Variants in TXLNB observed in about 807,000 individuals in gnomAD.
The protein encoded by TXLNB is taxilin beta, also known as beta-taxilin.
A neutral mutation model predicts 57.4 loss-of-function variants in TXLNB; 37 were observed. The observed-to-expected ratio is 0.64, with a 90% confidence interval of 0.50 to 0.85. The LOEUF (loss-of-function observed/expected upper bound fraction) is 0.85. TXLNB is among the 40% of genes least tolerant of loss of function. The pLI is 0.00. For synonymous variants in TXLNB, 302 were observed against 309.6 expected, an observed-to-expected ratio of 0.98 and a Z score of 0.26; for missense variants, 848 against 825.6, an observed-to-expected ratio of 1.03 and a Z score of -0.33.
At chr6:139,191,430 A>AAT in the TXLNB span, among the ~76,000 whole-genome samples, 1 of 152,238 alleles carries the variant, frequency 6.6e-6, no homozygotes, top group African/African-American at 2.4e-5. Flanking sequence ...AAAAAAAATA[A>AAT]AAATAAAAAA....
intron 2 of TXLNB, among the ~76,000 whole-genome samples, chr6:139,287,676 G>A (rs574788788): frequency 1.3e-5 from 2 of 152,202 alleles, no homozygotes; most frequent in Non-Finnish European, 2.9e-5. Context: ...AGTATTCGTA[G>A]TGAGTGTTTC....
At chr6:139,318,275 A>C in the TXLNB span, among the ~76,000 whole-genome samples, 1 of 150,930 alleles carries the variant, frequency 6.6e-6, no homozygotes, top group African/African-American at 2.4e-5. Context: ...GTCTCAAAAA[A>C]AAAAAAAAAA....
the TXLNB span, among the ~76,000 whole-genome samples, chr6:139,313,586 T>A: frequency 6.6e-6 from 1 of 152,168 alleles, no homozygotes; most frequent in Non-Finnish European, 1.5e-5. Flanking sequence ...TTGTTGAACA[T>A]CTGTGAGAAA....
At chr6:139,221,177 G>A in the TXLNB span, among the ~76,000 whole-genome samples, 1 of 152,220 alleles carries the variant, frequency 6.6e-6, no homozygotes. Flanking sequence ...CTGAGAGGAT[G>A]AGACGCTAAG....
chr6:139,166,579 A>G, the TXLNB span: 1 of 1,614,246 alleles, frequency 6.2e-7, no homozygotes, highest in Non-Finnish European at 8.5e-7. Flanking sequence ...AGAAGGACAC[A>G]GACTGGTATC....
At chr6:139,176,449 A>AGT in the TXLNB span, among the ~76,000 whole-genome samples, 1 of 152,206 alleles carries the variant, frequency 6.6e-6, no homozygotes, top group Non-Finnish European at 1.5e-5. The surrounding 1 kb of genome is among the most constrained non-coding windows in gnomAD (Gnocchi z 4.5). Context: ...GCTAGGCATG[A>AGT]GTGAAGATGC....
At chr6:139,284,111 A>C (rs1294185932) in intron 2 of TXLNB, among the ~76,000 whole-genome samples, 1 of 145,520 alleles carries the variant, frequency 6.9e-6, no homozygotes, top group Non-Finnish European at 1.5e-5. Flanking sequence ...TTGCACTTAC[A>C]CTATATGACA....
At chr6:139,219,958 C>G in the TXLNB span, among the ~76,000 whole-genome samples, 106 of 152,268 alleles carry the variant, frequency 7.0e-4, 1 homozygote, top group Non-Finnish European at 1.0e-3. Context: ...CCGTAATTAC[C>G]CTTCATTTCC....
intron 3 of TXLNB, chr6:139,271,432 A>T (rs1339994454): frequency 6.6e-6 from 1 of 152,152 alleles, no homozygotes; most frequent in Non-Finnish European, 1.5e-5. Flanking sequence ...GGAACATGAA[A>T]CCAACTTACC....
the TXLNB span, among the ~76,000 whole-genome samples, chr6:139,229,481 C>A: frequency 6.6e-6 from 1 of 152,088 alleles, no homozygotes; most frequent in Non-Finnish European, 1.5e-5. Context: ...TGCCACCACG[C>A]CCGGCTAATT....
At chr6:139,162,951 C>T in the TXLNB span, among the ~76,000 whole-genome samples, 6 of 152,172 alleles carry the variant, frequency 3.9e-5, no homozygotes, top group Non-Finnish European at 8.8e-5. Context: ...CTTTCCCTGC[C>T]CTACAGTTAC....
chr6:139,305,608 A>G, the TXLNB span, among the ~76,000 whole-genome samples: 1 of 152,202 alleles, frequency 6.6e-6, no homozygotes, highest in African/African-American at 2.4e-5. Context: ...AGATATTCAC[A>G]TATTTAAAAA....
the TXLNB span, among the ~76,000 whole-genome samples, chr6:139,205,637 A>G: frequency 4.6e-5 from 7 of 152,240 alleles, no homozygotes; most frequent in African/African-American, 1.7e-4. Context: ...ACAAAGAAAA[A>G]AGAAAAGAAA....
chr6:139,217,558 A>G, the TXLNB span, among the ~76,000 whole-genome samples: 8 of 152,282 alleles, frequency 5.3e-5, no homozygotes, highest in East Asian at 1.4e-3. Flanking sequence ...TATAATTTTC[A>G]CAGTAGTAGT....
downstream of TXLNB, among the ~76,000 whole-genome samples, chr6:139,239,816 GC>G (rs1775883054): frequency 6.6e-6 from 1 of 151,818 alleles, no homozygotes; most frequent in Non-Finnish European, 1.5e-5. This position sits in a 1 kb window ranked among gnomAD's most constrained non-coding sequence, Gnocchi z 4.7. Context: ...TGTAACTGTA[GC>G]CTCATTGTTA....
the TXLNB span, among the ~76,000 whole-genome samples, chr6:139,184,359 C>T: frequency 1.3e-5 from 2 of 152,182 alleles, no homozygotes; most frequent in South Asian, 2.1e-4. Context: ...GCAACACAGG[C>T]GCCAACATAG....
the TXLNB span, chr6:139,170,544 T>G: frequency 6.6e-6 from 1 of 152,084 alleles, no homozygotes; most frequent in Non-Finnish European, 1.5e-5. Context: ...GGTCAGGTGT[T>G]TGTTGATGAG....
At chr6:139,238,310 C>T (rs1344498072), downstream of TXLNB, among the ~76,000 whole-genome samples, 2 of 152,184 alleles carry the variant, frequency 1.3e-5, no homozygotes, top group Non-Finnish European at 2.9e-5. Flanking sequence ...ACGAGACTGG[C>T]TTAAACCTGG....
chr6:139,264,487 AAC>A (rs2114529569), intron 4 of TXLNB, among the ~76,000 whole-genome samples: 1 of 152,328 alleles, frequency 6.6e-6, no homozygotes, highest in Admixed American at 6.5e-5. Context: ...ATGTCAAACA[AAC>A]AATCATAACC....
Sources: allele counts gnomAD v4.1 joint callset (sites outside exome capture counted in the v4.1 genomes callset), GRCh38; gene constraint gnomAD v4.1.1; non-coding constraint Gnocchi (gnomAD v3.1); transcripts MANE v1.5; gene names NCBI Gene and HGNC (gene_info 2026-07-23, HGNC 2026-07-21).